Variants in ZNF431 observed in about 807,000 individuals in gnomAD.
The protein encoded by ZNF431 is zinc finger protein 431.
ZNF431 carries 34 observed loss-of-function variants against 57.0 expected under a neutral mutation model. The observed-to-expected ratio is 0.60, with a 90% CI of 0.45 to 0.79. ZNF431 has a LOEUF of 0.79. Among genes scored for constraint, ZNF431 ranks in the 30% least tolerant of loss-of-function variants. The probability of loss-of-function intolerance (pLI) is 0.00; values close to 1 mark genes in which losing one functional copy is unlikely to be tolerated. For missense variants in ZNF431, 607 were observed against 667.1 expected (o/e 0.91, Z 0.99); for synonymous variants, 207 against 220.3 (o/e 0.94, Z 0.54).
chr19:21,163,588 C>T (rs891252986), intron 2 of ZNF431, among the ~76,000 whole-genome samples: 3 of 152,314 alleles, frequency 2.0e-5, no homozygotes, highest in Non-Finnish European at 4.4e-5. Context: ...ATGGCACGAT[C>T]TCGTCTCACT....
intron 2 of ZNF431, among the ~76,000 whole-genome samples, chr19:21,148,812 C>T (rs144558072): frequency 6.6e-6 from 1 of 152,128 alleles, no homozygotes; most frequent in Non-Finnish European, 1.5e-5. Context: ...AGGACACAGA[C>T]ACAAGTGTAT....
chr19:21,158,853 C>T (rs1272349865), intron 2 of ZNF431, among the ~76,000 whole-genome samples: 1 of 152,096 alleles, frequency 6.6e-6, no homozygotes, highest in Non-Finnish European at 1.5e-5. Context: ...ACTTCCAATT[C>T]TGTGTTGAAT....
rs1050986711 is a variant in ZNF431, at chr19:21,193,902, G to A, written c.*9868G>A. 1 of 152,102 alleles carries A rather than the reference G, an allele frequency of 6.6e-6. No individual in the cohort carries two copies. The highest frequency in any genetic ancestry group is 1.9e-4 in the East Asian group (1 of 5,196). 9.4% of individuals were successfully genotyped at this position (152,102 alleles called of 1,614,324 possible). A position where few individuals can be genotyped will look rare whatever the true frequency, so the allele number is the denominator to read the frequency against. On this transcript the variant is annotated 3_prime_UTR_variant, in exon 5 of 5. Coordinates refer to ENST00000311048, the MANE Select transcript of ZNF431 (RefSeq NM_133473.4). ...CCTCACAATAATAAGAGCCATCTAT[G>A]ACAAATCCTCAGCTAACATACTGAA...
At chr19:21,166,260 C>T (rs1293584148) in intron 2 of ZNF431, 75 bp from the exon 3 acceptor site, 10 of 1,562,018 alleles carry the variant, frequency 6.4e-6, no homozygotes, top group Non-Finnish European at 8.6e-6. Flanking sequence ...TCTCAATTCA[C>T]CTTAATTCAA....
chr19:21,187,952 AGT>A lies in ZNF431; in HGVS notation c.*3919_*3920del, dbSNP rs1430833747. ...ACACAAAAATTGGTTTTAACTGTAG[AGT>A]TTGCTTATCAGAACAGTTAAAAGGC... is the stretch of plus-strand genomic sequence containing the variant. On this transcript the variant is annotated 3_prime_UTR_variant, in exon 5 of 5. Coordinates refer to ENST00000311048, the MANE Select transcript of ZNF431 (RefSeq NM_133473.4). 1 of 151,976 alleles carries A rather than the reference AGT, an allele frequency of 6.6e-6. No homozygotes were observed. Among genetic ancestry groups the A allele is most frequent in the African/African-American group, 2.4e-5 (1 of 41,362 alleles). 9.4% of individuals were successfully genotyped at this position (151,976 alleles called of 1,614,324 possible). A position where few individuals can be genotyped will look rare whatever the true frequency, so the allele number is the denominator to read the frequency against.
Position 21,185,076 on chromosome 19 carries a change from T to C in ZNF431, c.*1042T>C, listed in dbSNP as rs975071437. The C allele has an allele frequency of 1.3e-5, 2 of 152,132 alleles. No individual in the cohort carries two copies. The highest frequency in any genetic ancestry group is 2.9e-5 in the Non-Finnish European group (2 of 68,020). The allele number at this position is 152,132 out of a possible 1,614,324, so 9.4% of individuals were successfully genotyped here. On this transcript the variant is annotated 3_prime_UTR_variant, in exon 5 of 5. Coordinates refer to ENST00000311048, the MANE Select transcript of ZNF431 (RefSeq NM_133473.4). ...AAATCAACAGTTATACTAGAATATA[T>C]TTTTTCCAGATGCAGTAAAAGTAAA...
intron 4 of ZNF431, among the ~76,000 whole-genome samples, chr19:21,173,778 C>T (rs1392748278): frequency 4.6e-5 from 7 of 152,210 alleles, no homozygotes; most frequent in African/African-American, 9.6e-5. Context: ...CCGTCCACCT[C>T]GACCTGCCAA....
In ZNF431 at chr19:21,183,048, A is replaced by G. The variant is rs1204128453; in HGVS notation, c.745A>G (p.Arg249Gly). ...TTTTAAATGGTTCTCAACCCTTACT[A>G]GACACAAGAGAATTCATACTGGAGA... The part of the protein sequence containing the change: ...KAFKWFSTLT[R>G]HKRIHTGEKP... Residue 249 changes from arginine to glycine, a missense_variant, in exon 5 of 5, where the codon AGA becomes GGA. Arg to Gly is a moderately radical substitution (Grantham distance 125). Coordinates refer to ENST00000311048, the MANE Select transcript of ZNF431 (RefSeq NM_133473.4). 1 of 1,613,960 alleles carries G rather than the reference A, an allele frequency of 6.2e-7. No individual in the cohort carries two copies. The highest frequency in any genetic ancestry group is 1.3e-5 in the African/African-American group (1 of 74,936).
intron 4 of ZNF431, among the ~76,000 whole-genome samples, chr19:21,171,065 ATTC>A (rs1970873569): frequency 6.6e-6 from 1 of 152,232 alleles, no homozygotes; most frequent in South Asian, 2.1e-4. Context: ...ATGTAATGCT[ATTC>A]TTTGCTTCTA....
chr19:21,154,902 T>C (rs1311187109), intron 2 of ZNF431, among the ~76,000 whole-genome samples: 1 of 152,260 alleles, frequency 6.6e-6, no homozygotes, highest in Non-Finnish European at 1.5e-5. Context: ...CTGAGTTCAT[T>C]GCTGATTCTG....
At chr19:21,150,190 C>A in intron 2 of ZNF431, 1 of 569,054 alleles carries the variant, frequency 1.8e-6, no homozygotes. Flanking sequence ...GGTCCAGGCC[C>A]TGGGTGAACT....
chr19:21,167,890 T>G (rs1970768344), intron 4 of ZNF431, among the ~76,000 whole-genome samples: 1 of 152,218 alleles, frequency 6.6e-6, no homozygotes, highest in African/African-American at 2.4e-5. Flanking sequence ...GGGATCTTCC[T>G]TCAAGTCTAC....
Position 21,143,572 on chromosome 19 carries a change from T to G in ZNF431, c.25T>G (p.Tyr9Asp). The G allele has an allele frequency of 1.2e-6, 2 of 1,613,904 alleles. No individual in the cohort carries two copies. Among genetic ancestry groups the G allele is most frequent in the Non-Finnish European group, 1.7e-6 (2 of 1,179,774 alleles). MDDLKYGVYPLKEASGCPG... is the reference protein window; with the variant it reads MDDLKYGVDPLKEASGCPG... ...ATAGGACGACTTGAAATATGGAGTG[T>G]ATCCTCTCAAGGAAGCAAGTGGATG... The change falls in exon 2 of 5, where the codon TAT becomes GAT. Residue 9 changes from tyrosine (Y) to aspartate (D), a missense_variant. Tyr to Asp is a radical substitution (Grantham distance 160). Coordinates refer to ENST00000311048, the MANE Select transcript of ZNF431 (RefSeq NM_133473.4).
intron 4 of ZNF431, among the ~76,000 whole-genome samples, chr19:21,169,052 C>T (rs1001387502): frequency 1.4e-4 from 22 of 152,044 alleles, no homozygotes; most frequent in African/African-American, 5.3e-4. Flanking sequence ...GTTGGGATTA[C>T]AGGCACTCGG....
chr19:21,178,162 T>C (rs184276315), intron 4 of ZNF431, among the ~76,000 whole-genome samples: 1 of 152,340 alleles, frequency 6.6e-6, no homozygotes, highest in East Asian at 1.9e-4. Context: ...TTTTGGCACA[T>C]TGATTTTGTA....
rs1971294031 is a variant in ZNF431, at chr19:21,184,004, A to G, written c.1701A>G (p.Leu567=). 6.3e-7 allele frequency: 1 copy of G among 1,575,692 alleles called. No homozygotes were observed. The highest frequency in any genetic ancestry group is 1.4e-5 in the African/African-American group (1 of 73,240). The change falls in exon 5 of 5, where the codon CTA becomes CTG. Residue 567 remains leucine (L), a synonymous_variant. Transcript: ENST00000311048. ...ATAATTCATACTGGAGAGAAACTCTACAAATGTCAAGAATGTGGGAAAGCC... is the reference window on the plus strand; with the variant it reads ...ATAATTCATACTGGAGAGAAACTCTGCAAATGTCAAGAATGTGGGAAAGCC... ...KQNNSYWRET[L]QMSRMWESL is the part of the protein sequence containing the mutation.
rs1407278227 is a variant in ZNF431, at chr19:21,194,772, G to A, written c.*10738G>A. The A allele has an allele frequency of 2.0e-5, 3 of 152,156 alleles. No individual in the cohort carries two copies. The highest frequency in any genetic ancestry group is 7.2e-5 in the African/African-American group (3 of 41,450). 9.4% of individuals were successfully genotyped at this position (152,156 alleles called of 1,614,324 possible). ...ACCCCATATTATTTCTGGTAACAAA[G>A]CACAGAAACATGATTTCTCGAATTT... On this transcript the variant is annotated 3_prime_UTR_variant, in exon 5 of 5. Transcript: ENST00000311048.
In ZNF431 at chr19:21,190,368, A is replaced by G. The variant is rs1159176591; in HGVS notation, c.*6334A>G. 6.6e-6 allele frequency: 1 copy of G among 152,360 alleles called. No homozygotes were observed. The highest frequency in any genetic ancestry group is 1.5e-5 in the Non-Finnish European group (1 of 68,208). 9.4% of individuals were successfully genotyped at this position (152,360 alleles called of 1,614,324 possible). A position where few individuals can be genotyped will look rare whatever the true frequency, so the allele number is the denominator to read the frequency against. On this transcript the variant is annotated 3_prime_UTR_variant, in exon 5 of 5. Transcript: ENST00000311048. ...TTTTGGATATATACCCAGTAGTGCG[A>G]TTGCTGTATTACCTGGTAGTTTTTT...
intron 2 of ZNF431, among the ~76,000 whole-genome samples, chr19:21,152,440 CCTGTAGATGCCTAATT>C (rs1740591209): frequency 6.6e-6 from 1 of 152,084 alleles, no homozygotes; most frequent in Non-Finnish European, 1.5e-5. Flanking sequence ...GTCCCATGGT[CCTGTAGATGCCTAATT>C]CTGTCACCCA....
Sources: allele counts gnomAD v4.1 joint callset (sites outside exome capture counted in the v4.1 genomes callset), GRCh38; gene constraint gnomAD v4.1.1; transcripts MANE v1.5; gene names NCBI Gene and HGNC (gene_info 2026-07-23, HGNC 2026-07-21).